Variants in NOS1 observed in about 807,000 individuals in gnomAD.
NOS1 encodes NOS type I.
Under a neutral mutation model 164.5 loss-of-function variants are expected in NOS1, and 51 were observed. That is an observed-to-expected ratio of 0.31 (90% CI 0.25 to 0.39). The LOEUF (loss-of-function observed/expected upper bound fraction) is 0.39, where lower values mean the gene tolerates loss of function less well. Among genes scored for constraint, NOS1 ranks in the 10% least tolerant of loss-of-function variants. The pLI is 1.00. For missense variants in NOS1, 1,362 were observed against 1,885.6 expected (o/e 0.72, Z 5.14); for synonymous variants, 719 against 745.8 (o/e 0.96, Z 0.59).
At chr12:117,297,584 G>T (rs1021459847) in intron 3 of NOS1, among the ~76,000 whole-genome samples, 21 of 152,006 alleles carry the variant, frequency 1.4e-4, no homozygotes, top group Admixed American at 9.8e-4. Context: ...TGGAGATGGG[G>T]TTTCTTCATG....
At chr12:117,317,286 G>A (rs1874710689) in intron 2 of NOS1, among the ~76,000 whole-genome samples, 1 of 151,648 alleles carries the variant, frequency 6.6e-6, no homozygotes, top group African/African-American at 2.4e-5. Context: ...CCCTTTAACA[G>A]TGCTCATGAG....
In NOS1 at chr12:117,259,160, G is replaced by A. The variant is rs778476399; in HGVS notation, c.2368-30C>T. 20 of 1,462,158 alleles carry A rather than the reference G, an allele frequency of 1.4e-5. No homozygotes were observed. In the South Asian group the frequency reaches 2.2e-4, roughly 16 times the overall value. 90.6% of individuals were successfully genotyped at this position (1,462,158 alleles called of 1,614,324 possible). A position where few individuals can be genotyped will look rare whatever the true frequency, so the allele number is the denominator to read the frequency against. ...GTGGGCAGGGCACAGGTATAGGATGGGGAGAGGAAGAAGGGGATGAGGAGA... is the reference window on the plus strand; with the variant it reads ...GTGGGCAGGGCACAGGTATAGGATGAGGAGAGGAAGAAGGGGATGAGGAGA... On this transcript the variant is annotated intron_variant, in intron 14 of 28. Transcript: ENST00000317775.
chr12:117,340,572 C>T (rs1223529198), intron 1 of NOS1, among the ~76,000 whole-genome samples: 1 of 152,172 alleles, frequency 6.6e-6, no homozygotes, highest in African/African-American at 2.4e-5. Flanking sequence ...CTCTGTCACC[C>T]AGGCTGGAGT....
At chr12:117,299,736 A>T (rs574477169) in intron 3 of NOS1, among the ~76,000 whole-genome samples, 93 of 152,102 alleles carry the variant, frequency 6.1e-4, no homozygotes, top group African/African-American at 2.2e-3. Flanking sequence ...AAGGTGATTA[A>T]AAATGGGGGT....
At chr12:117,355,438 G>A (rs1327032387) in intron 1 of NOS1, among the ~76,000 whole-genome samples, 1 of 152,184 alleles carries the variant, frequency 6.6e-6, no homozygotes, top group East Asian at 1.9e-4. Context: ...TGGGAAGTGC[G>A]TCCTGGGGTT....
At chr12:117,308,800 T>C (rs1344955014) in intron 3 of NOS1, among the ~76,000 whole-genome samples, 9 of 152,094 alleles carry the variant, frequency 5.9e-5, no homozygotes, top group African/African-American at 2.2e-4. Flanking sequence ...TTTCACCATG[T>C]TGGTCAGGCT....
intron 6 of NOS1, among the ~76,000 whole-genome samples, chr12:117,285,756 G>A (rs1874071151): frequency 6.6e-6 from 1 of 152,072 alleles, no homozygotes; most frequent in African/African-American, 2.4e-5. Flanking sequence ...CGTAACCAAG[G>A]GACACAGAAA....
At chr12:117,221,915 C>A (rs1956712919) in intron 26 of NOS1, among the ~76,000 whole-genome samples, 1 of 151,552 alleles carries the variant, frequency 6.6e-6, no homozygotes, top group South Asian at 2.1e-4. Flanking sequence ...CCACCTCAGC[C>A]TCCCAAAGTG....
At chr12:117,324,597 T>C (rs956668924) in intron 2 of NOS1, among the ~76,000 whole-genome samples, 4 of 152,088 alleles carry the variant, frequency 2.6e-5, no homozygotes, top group Non-Finnish European at 4.4e-5. Flanking sequence ...CTGGGCATGG[T>C]CTCAGTTACT....
At chr12:117,334,538 G>T (rs1032294664) in intron 1 of NOS1, among the ~76,000 whole-genome samples, 5 of 151,860 alleles carry the variant, frequency 3.3e-5, no homozygotes, top group African/African-American at 1.2e-4. Context: ...CTGGGATTAC[G>T]GCTCCCGCCA....
At chr12:117,257,803 CTTT>C (rs34828673) in intron 16 of NOS1, among the ~76,000 whole-genome samples, 5 of 120,490 alleles carry the variant, frequency 4.1e-5, no homozygotes, top group African/African-American at 6.3e-5. Flanking sequence ...TTACACAGTG[CTTT>C]TTTTTTTTTT....
rs749542422 is a variant in NOS1 at position 117,234,572 on chromosome 12, C to A, written c.3228G>T (p.Thr1076=). The A allele has an allele frequency of 6.2e-7, 1 of 1,613,340 alleles. No homozygotes were observed. Among genetic ancestry groups the A allele is most frequent in the Non-Finnish European group, 8.5e-7 (1 of 1,179,474 alleles). The change falls in exon 21 of 29, where the codon ACG becomes ACT. Residue 1076 remains threonine, a synonymous_variant. Coordinates refer to ENST00000317775, the MANE Select transcript of NOS1 (RefSeq NM_000620.5). This position sits in a 1 kb window ranked among gnomAD's most constrained non-coding sequence, Gnocchi z 4.3. ...VKVELLEERN[T]ALGVISNWTD... ...GGTCCCCGGGAATGTTACCTAAAGC[C>A]GTGTTCCGCTCCTCCAGCAGTTCCA...
chr12:117,280,920 A>G (rs1288141894), intron 7 of NOS1, 54 bp from the exon 8 acceptor site: 45 of 1,578,404 alleles, frequency 2.9e-5, no homozygotes, highest in Non-Finnish European at 3.8e-5. Flanking sequence ...GCGCTGTGGG[A>G]ACATACTAAA....
chr12:117,244,024 A>G (rs10850803), intron 18 of NOS1, among the ~76,000 whole-genome samples: 25,338 of 152,174 alleles, frequency 0.17, 2,924 homozygotes, highest in Admixed American at 0.31. Flanking sequence ...ATATAATTCT[A>G]TTGCGTCATT....
At chr12:117,313,767 G>C (rs1398833834) in intron 2 of NOS1, among the ~76,000 whole-genome samples, 2 of 152,132 alleles carry the variant, frequency 1.3e-5, no homozygotes, top group Non-Finnish European at 2.9e-5. Flanking sequence ...CACTCTCTGA[G>C]TCCTTCTACT....
intron 1 of NOS1, among the ~76,000 whole-genome samples, chr12:117,355,787 T>C (rs1014379250): frequency 1.3e-5 from 2 of 152,194 alleles, no homozygotes; most frequent in African/African-American, 4.8e-5. Flanking sequence ...CGAGACAGGT[T>C]CTGGCTCTGT....
At chr12:117,293,366 T>C (rs1566062620) in intron 3 of NOS1, among the ~76,000 whole-genome samples, 1 of 152,160 alleles carries the variant, frequency 6.6e-6, no homozygotes, top group Non-Finnish European at 1.5e-5. Flanking sequence ...GGGAGCTATC[T>C]TAATCATCAG....
Position 117,210,017 on chromosome 12 carries a change from G to C in NOS1, c.*5292C>G. ...AGACAGGGTCTTGCTCTGTCACTCA[G>C]GCTGGAGTGCAGTGGTGCGATCCTA... On this transcript the variant is annotated 3_prime_UTR_variant, in exon 29 of 29. Coordinates refer to ENST00000317775, the MANE Select transcript of NOS1 (RefSeq NM_000620.5). The C allele has an allele frequency of 4.1e-6, 4 of 972,078 alleles. No homozygotes were observed. Among genetic ancestry groups the C allele is most frequent in the Non-Finnish European group, 4.9e-6 (4 of 817,928 alleles). 60.2% of individuals were successfully genotyped at this position (972,078 alleles called of 1,614,324 possible). A position where few individuals can be genotyped will look rare whatever the true frequency, so the allele number is the denominator to read the frequency against.
chr12:117,289,598 G>A (rs1391956769), intron 4 of NOS1, among the ~76,000 whole-genome samples: 1 of 152,188 alleles, frequency 6.6e-6, no homozygotes, highest in African/African-American at 2.4e-5. Flanking sequence ...GTGCCATGGT[G>A]GGCACCTATC....
Sources: gnomAD v4.1 joint callset for allele counts (sites outside exome capture counted in the v4.1 genomes callset) on GRCh38, gnomAD v4.1.1 for gene constraint, Gnocchi (gnomAD v3.1) non-coding constraint, MANE v1.5 for transcripts, NCBI Gene and HGNC (gene_info 2026-07-23, HGNC 2026-07-21) for gene names.